Variants in HTR3B observed in about 807,000 individuals in gnomAD.
The protein encoded by HTR3B is 5-hydroxytryptamine receptor 3B.
A neutral mutation model predicts 42.8 loss-of-function variants in HTR3B; 44 were observed. That is an observed-to-expected ratio of 1.03 (90% confidence interval 0.81 to 1.32). HTR3B has a LOEUF of 1.32. Among genes scored for constraint, HTR3B ranks in the 40% most tolerant of loss-of-function variants. The pLI is 0.00. For missense variants in HTR3B, 527 were observed against 536.5 expected (o/e 0.98, Z 0.17); for synonymous variants, 203 against 209.0 (o/e 0.97, Z 0.25).
upstream of HTR3B, among the ~76,000 whole-genome samples, chr11:113,901,276 T>C (rs1159286861): frequency 6.6e-6 from 1 of 151,970 alleles, no homozygotes; most frequent in African/African-American, 2.4e-5. Context: ...ACCTCATCTC[T>C]ACTAAAAAGA....
At chr11:113,911,273 C>T (rs1176659145) in intron 2 of HTR3B, among the ~76,000 whole-genome samples, 1 of 152,126 alleles carries the variant, frequency 6.6e-6, no homozygotes, top group Admixed American at 6.6e-5. Context: ...CTCTGTCACC[C>T]AGGCTGGATT....
At chr11:113,910,535 G>C (rs561424835) in intron 2 of HTR3B, among the ~76,000 whole-genome samples, 1 of 150,930 alleles carries the variant, frequency 6.6e-6, no homozygotes. Context: ...TTGCGTCCCC[G>C]GTTCAAGCAA....
upstream of HTR3B, among the ~76,000 whole-genome samples, chr11:113,899,857 A>G (rs1002241924): frequency 3.3e-5 from 5 of 152,200 alleles, no homozygotes; most frequent in African/African-American, 9.7e-5. Flanking sequence ...TCTAAAAGAA[A>G]TATATTTTCA....
intron 2 of HTR3B, among the ~76,000 whole-genome samples, chr11:113,921,783 A>G (rs1318009137): frequency 6.6e-6 from 1 of 152,216 alleles, no homozygotes; most frequent in Non-Finnish European, 1.5e-5. Context: ...AAGTAAAATC[A>G]GATTCTTTAT....
At position 113,931,425 on chromosome 11, in the gene HTR3B, A is replaced by G. The variant is rs754836793; in HGVS notation, c.255A>G (p.Gln85=). The change falls in exon 3 of 9, where the codon CAA becomes CAG. Residue 85 remains glutamine, a synonymous_variant. Coordinates refer to ENST00000260191, the MANE Select transcript of HTR3B (RefSeq NM_006028.5). ...TATTAAAGACAAGTGTATGGTACCA[A>G]GAGGTAAATAATTATGTTTTCTTCT... is the stretch of plus-strand genomic sequence containing the variant. ...NQILKTSVWY[Q]EVWNDEFLSW... 12 of 1,585,276 alleles carry G rather than the reference A, an allele frequency of 7.6e-6. No homozygotes were observed. The highest frequency in any genetic ancestry group is 1.0e-5 in the Non-Finnish European group (12 of 1,160,400).
intron 2 of HTR3B, among the ~76,000 whole-genome samples, chr11:113,918,344 ACAAT>A (rs1329309190): frequency 2.0e-5 from 3 of 151,736 alleles, no homozygotes; most frequent in Non-Finnish European, 4.4e-5. Flanking sequence ...AATCAGCACC[ACAAT>A]CAAAGTACAT....
At chr11:113,907,502 A>G (rs1410490694) in intron 1 of HTR3B, among the ~76,000 whole-genome samples, 2 of 152,162 alleles carry the variant, frequency 1.3e-5, no homozygotes, top group Non-Finnish European at 2.9e-5. Flanking sequence ...CTTTTGGTTT[A>G]TTTAAGCATA....
chr11:113,921,937 A>AT (rs1309970071), intron 2 of HTR3B, among the ~76,000 whole-genome samples: 1 of 152,134 alleles, frequency 6.6e-6, no homozygotes, highest in African/African-American at 2.4e-5. Context: ...ATCTGAAAAA[A>AT]TTTTATATTC....
chr11:113,939,214 C>T (rs779730504), intron 6 of HTR3B, among the ~76,000 whole-genome samples: 12 of 152,124 alleles, frequency 7.9e-5, no homozygotes, highest in Admixed American at 1.3e-4. Context: ...AGACAAGAGA[C>T]GGCTTTGCTT....
rs1357282735 is a variant in HTR3B at position 113,909,447 on chromosome 11, T to A, written c.205T>A (p.Leu69Met). 3 of 1,613,950 alleles carry A rather than the reference T, an allele frequency of 1.9e-6. No homozygotes were observed. The highest frequency in any genetic ancestry group is 2.2e-5 in the East Asian group (1 of 44,878). ...VYLDLFVHAI[L>M]DVDAENQILK... ...CCTGGACCTGTTCGTCCATGCTATA[T>A]TGGATGTGGTAAGGACCATCTTGCC... The change falls in exon 2 of 9, where the codon TTG (leucine) becomes ATG (methionine). Residue 69 changes from leucine to methionine, a missense_variant. Coordinates refer to ENST00000260191, the MANE Select transcript of HTR3B (RefSeq NM_006028.5).
At chr11:113,918,942 C>A (rs563177648) in intron 2 of HTR3B, among the ~76,000 whole-genome samples, 4 of 152,198 alleles carry the variant, frequency 2.6e-5, no homozygotes, top group African/African-American at 9.6e-5. Flanking sequence ...CAGGTATGAG[C>A]CACAGTGACC....
chr11:113,924,957 G>GA (rs1949954918), intron 2 of HTR3B, among the ~76,000 whole-genome samples: 2 of 152,256 alleles, frequency 1.3e-5, no homozygotes, highest in South Asian at 2.1e-4. Context: ...TTCTCAAAGA[G>GA]AAAAAATAAT....
intron 2 of HTR3B, among the ~76,000 whole-genome samples, chr11:113,916,490 T>C (rs1263951569): frequency 6.6e-6 from 1 of 152,234 alleles, no homozygotes; most frequent in African/African-American, 2.4e-5. Flanking sequence ...GTGAATCTTC[T>C]AATCTCGTTC....
chr11:113,931,846 C>T lies in HTR3B; in HGVS notation c.347C>T (p.Pro116Leu). 2 of 1,590,982 alleles carry T rather than the reference C, an allele frequency of 1.3e-6. No individual in the cohort carries two copies. Among genetic ancestry groups the T allele is most frequent in the Non-Finnish European group, 1.7e-6 (2 of 1,158,974 alleles). Residue 116 changes from proline (P) to leucine (L), a missense_variant, in exon 4 of 9, where the codon CCC (proline) becomes CTC (leucine). Transcript: ENST00000260191. ...CTACCTCTAAGTGCCATCTGGGCCCCCGATATCATCATCAATGAGTTGTAA... is the reference window on the plus strand; with the variant it reads ...CTACCTCTAAGTGCCATCTGGGCCCTCGATATCATCATCAATGAGTTGTAA... ...ISLPLSAIWA[P>L]DIIINEFVDI...
At chr11:113,941,124 A>C (rs1421999021) in intron 6 of HTR3B, among the ~76,000 whole-genome samples, 1 of 152,238 alleles carries the variant, frequency 6.6e-6, no homozygotes, top group Non-Finnish European at 1.5e-5. Context: ...TGTCCGGCAC[A>C]CTATCTGACA....
At chr11:113,933,192 C>T (rs1950055576) in intron 6 of HTR3B, 99 bp downstream of exon 6, 1 of 1,177,752 alleles carries the variant, frequency 8.5e-7, no homozygotes, top group African/African-American at 1.5e-5. Context: ...TGTTCTCATT[C>T]ATTATCACCC....
chr11:113,941,515 G>A (rs1565567582), intron 6 of HTR3B, among the ~76,000 whole-genome samples: 1 of 152,208 alleles, frequency 6.6e-6, no homozygotes, highest in Non-Finnish European at 1.5e-5. Flanking sequence ...GAGCAGCTCT[G>A]TGTGGCCAGC....
chr11:113,915,846 G>GT (rs35423096), intron 2 of HTR3B, among the ~76,000 whole-genome samples: 9,163 of 149,710 alleles, frequency 0.061, 370 homozygotes, highest in Non-Finnish European at 0.084. Context: ...ATCTTTAAAT[G>GT]TTTTTTTTTT....
chr11:113,901,951 C>T (rs1949700110), upstream of HTR3B, among the ~76,000 whole-genome samples: 1 of 152,172 alleles, frequency 6.6e-6, no homozygotes, highest in Admixed American at 6.5e-5. Flanking sequence ...TGTAGCTTGC[C>T]TTTCTCTTGT....
Sources: gnomAD v4.1 joint callset for allele counts (sites outside exome capture counted in the v4.1 genomes callset) on GRCh38, gnomAD v4.1.1 for gene constraint, MANE v1.5 for transcripts, NCBI Gene and HGNC (gene_info 2026-07-23, HGNC 2026-07-21) for gene names.